Variants in KATNIP observed in about 807,000 individuals in gnomAD.
The protein encoded by KATNIP is katanin interacting protein, also known as katanin-interacting protein.
KATNIP carries 126 observed loss-of-function variants against 174.0 expected under a neutral mutation model. The observed-to-expected ratio is 0.72, with a 90% CI of 0.63 to 0.84. The LOEUF is 0.84. Among genes scored for constraint, KATNIP ranks in the 40% least tolerant of loss-of-function variants. KATNIP has a pLI of 0.00. For synonymous variants in KATNIP, 810 were observed against 835.7 expected, an observed-to-expected ratio of 0.97 and a Z score of 0.53; for missense variants, 1,958 against 2,109.7, an observed-to-expected ratio of 0.93 and a Z score of 1.41.
chr16:27,561,706 G>T (rs1327557567), intron 1 of KATNIP, among the ~76,000 whole-genome samples: 1 of 152,140 alleles, frequency 6.6e-6, no homozygotes, highest in Admixed American at 6.5e-5. Context: ...GTGTGTGTAT[G>T]TGTGTGTGTG....
Position 27,713,709 on chromosome 16 carries a change from TTA to T in KATNIP, c.1605+4797_1605+4798del, listed in dbSNP as rs371796119. On this transcript the variant is annotated intron_variant, in intron 13 of 27. Transcript: ENST00000261588. The stretch of plus-strand genomic sequence containing the variant: ...GTGTGTATATATATACACATACATA[TTA>T]TATATATGTGTGTGTATTATATACA... Among the ~76,000 whole-genome samples, 145 of 23,480 alleles carry T rather than the reference TTA, an allele frequency of 6.2e-3. 17 individuals carry two copies. The highest frequency in any genetic ancestry group is 9.5e-3 in the African/African-American group (63 of 6,652). 15.4% of individuals were successfully genotyped at this position (23,480 alleles called of 152,430 possible). A position where few individuals can be genotyped will look rare whatever the true frequency, so the allele number is the denominator to read the frequency against.
chr16:27,676,868 C>T (rs1052844012), intron 6 of KATNIP, among the ~76,000 whole-genome samples: 2 of 152,124 alleles, frequency 1.3e-5, no homozygotes, highest in Non-Finnish European at 2.9e-5. Flanking sequence ...GACAGGGTCT[C>T]ACTGTGTTGC....
intron 2 of KATNIP, among the ~76,000 whole-genome samples, chr16:27,586,333 T>C (rs1010040103): frequency 6.6e-6 from 1 of 152,080 alleles, no homozygotes; most frequent in Non-Finnish European, 1.5e-5. Context: ...GAAGGCCAGA[T>C]GTGGTGGCTC....
chr16:27,710,578 T>C (rs2079531731), intron 13 of KATNIP, among the ~76,000 whole-genome samples: 1 of 152,282 alleles, frequency 6.6e-6, no homozygotes, highest in South Asian at 2.1e-4. Context: ...CATAGCTCAC[T>C]GCAGCCTCAA....
chr16:27,728,860 A>C (rs888216624), intron 14 of KATNIP, among the ~76,000 whole-genome samples: 1 of 152,224 alleles, frequency 6.6e-6, no homozygotes, highest in African/African-American at 2.4e-5. Flanking sequence ...TGCTGTGCAG[A>C]GCAAGTGGGC....
chr16:27,701,765 G>GT (rs2142992420), intron 11 of KATNIP, 70 bp downstream of exon 11: 1 of 1,079,666 alleles, frequency 9.3e-7, no homozygotes, highest in Non-Finnish European at 1.4e-6. Context: ...CTTCATGAGG[G>GT]TTCTTTGCTT....
intron 1 of KATNIP, among the ~76,000 whole-genome samples, chr16:27,550,613 T>G (rs1312645737): frequency 2.6e-5 from 4 of 152,220 alleles, no homozygotes; most frequent in Non-Finnish European, 5.9e-5. Flanking sequence ...ACTCCCTTTC[T>G]GTGCCTTGGC....
chr16:27,555,828 C>T (rs898897607), intron 1 of KATNIP, among the ~76,000 whole-genome samples: 7 of 142,874 alleles, frequency 4.9e-5, no homozygotes, highest in Admixed American at 1.4e-4. Context: ...AAGAGCGAAA[C>T]TCCGTCTCAA....
intron 14 of KATNIP, among the ~76,000 whole-genome samples, chr16:27,723,746 G>A (rs939027121): frequency 1.3e-5 from 2 of 152,162 alleles, no homozygotes; most frequent in African/African-American, 2.4e-5. Context: ...AGACCACATG[G>A]CAGGTTGGAG....
chr16:27,620,503 G>A (rs1238894910), intron 3 of KATNIP, among the ~76,000 whole-genome samples: 1 of 152,152 alleles, frequency 6.6e-6, no homozygotes, highest in Non-Finnish European at 1.5e-5. Context: ...TGGTGGAGCC[G>A]GGCTGGACTC....
intron 2 of KATNIP, among the ~76,000 whole-genome samples, chr16:27,599,936 T>C (rs1251548479): frequency 6.6e-6 from 1 of 152,194 alleles, no homozygotes; most frequent in African/African-American, 2.4e-5. Flanking sequence ...TTGAGCACTC[T>C]CCCCTCTCCT....
chr16:27,583,352 G>T (rs1567460130), intron 2 of KATNIP, among the ~76,000 whole-genome samples: 1 of 152,110 alleles, frequency 6.6e-6, no homozygotes, highest in African/African-American at 2.4e-5. Context: ...CAGATCTTAG[G>T]CATGAAATAG....
chr16:27,725,478 T>C (rs1597305776), intron 14 of KATNIP, among the ~76,000 whole-genome samples: 1 of 152,198 alleles, frequency 6.6e-6, no homozygotes, highest in East Asian at 1.9e-4. Flanking sequence ...GAGGATGTGA[T>C]AACATGTGTG....
chr16:27,635,570 C>G (rs1258601102), intron 5 of KATNIP, among the ~76,000 whole-genome samples: 1 of 151,614 alleles, frequency 6.6e-6, no homozygotes, highest in Non-Finnish European at 1.5e-5. Flanking sequence ...TGATACCCAG[C>G]AGGGCCCAGG....
At chr16:27,615,275 T>A (rs565423721) in intron 2 of KATNIP, among the ~76,000 whole-genome samples, 4 of 149,646 alleles carry the variant, frequency 2.7e-5, no homozygotes, top group African/African-American at 9.8e-5. Context: ...AATACAGGCA[T>A]GCACCACCAC....
At chr16:27,719,159 A>G (rs1007301964) in intron 13 of KATNIP, among the ~76,000 whole-genome samples, 12 of 152,218 alleles carry the variant, frequency 7.9e-5, no homozygotes, top group Non-Finnish European at 1.2e-4. Context: ...TGCAGACTCA[A>G]TGCCTACAGG....
chr16:27,569,241 A>T lies in KATNIP; in HGVS notation c.8-4660A>T, dbSNP rs532743909. Among the ~76,000 whole-genome samples the T allele has an allele frequency of 2.6e-5, 4 of 152,170 alleles. No homozygotes were observed. In the East Asian group the frequency reaches 7.7e-4, roughly 29 times the overall value. ...AGAAACTAACATCCAAGAAGATGCG[A>T]CTCCCCTCTAAATGGTAGCGATGAA... On this transcript the variant is annotated intron_variant, in intron 1 of 27. Coordinates refer to ENST00000261588, the MANE Select transcript of KATNIP (RefSeq NM_015202.5).
At chr16:27,646,409 C>T (rs1404872932) in intron 5 of KATNIP, among the ~76,000 whole-genome samples, 2 of 152,194 alleles carry the variant, frequency 1.3e-5, no homozygotes, top group Admixed American at 6.5e-5. Flanking sequence ...TATCCCTGGA[C>T]TGGCTGGCCA....
chr16:27,607,807 A>T (rs2075757205), intron 2 of KATNIP, among the ~76,000 whole-genome samples: 1 of 152,152 alleles, frequency 6.6e-6, no homozygotes, highest in African/African-American at 2.4e-5. Context: ...GGGTTTCACC[A>T]TGTTGGCCAG....
Sources: gnomAD v4.1 joint callset for allele counts (sites outside exome capture counted in the v4.1 genomes callset) on GRCh38, gnomAD v4.1.1 for gene constraint, MANE v1.5 for transcripts, NCBI Gene and HGNC (gene_info 2026-07-23, HGNC 2026-07-21) for gene names.